The following CACNA1C variants were observed in gnomAD, a reference collection of about 807,000 sequenced individuals.
CACNA1C encodes calcium voltage-gated channel subunit alpha1 C.
Under a neutral mutation model 229.0 loss-of-function variants are expected in CACNA1C, and 30 were observed. That is an observed-to-expected ratio of 0.13 (90% CI 0.10 to 0.18). The LOEUF (loss-of-function observed/expected upper bound fraction) is 0.18, where lower values mean the gene tolerates loss of function less well. Among genes scored for constraint, CACNA1C ranks in the 10% least tolerant of loss-of-function variants. The pLI is 1.00. For missense variants in CACNA1C, 1,658 were observed against 2,845.0 expected (o/e 0.58, Z 9.49); for synonymous variants, 1,114 against 1,132.5 (o/e 0.98, Z 0.33).
chr12:2,320,427 C>A (rs1469888675), intron 3 of CACNA1C, among the ~76,000 whole-genome samples: 1 of 152,228 alleles, frequency 6.6e-6, no homozygotes, highest in Non-Finnish European at 1.5e-5. Context: ...CATCAGGTGG[C>A]AGTGTATGTG....
chr12:2,405,931 T>G (rs1329402056), intron 3 of CACNA1C, among the ~76,000 whole-genome samples: 1 of 152,248 alleles, frequency 6.6e-6, no homozygotes, highest in Non-Finnish European at 1.5e-5. Context: ...TTTGCCATTC[T>G]TTTAGTGTAG....
Position 2,209,835 on chromosome 12 carries a change from C to CA in CACNA1C, c.477+89408dup, listed in dbSNP as rs1303691679. Among the ~76,000 whole-genome samples, 11 of 152,178 alleles carry CA rather than the reference C, an allele frequency of 7.2e-5. No individual in the cohort carries two copies. In the East Asian group the frequency reaches 2.1e-3, roughly 29 times the overall value. The stretch of plus-strand genomic sequence containing the variant: ...GCCAAGATCCATCCAGTCCCTAAAT[C>CA]AAATTCTCAACTAAAATCAGAAGGT... On this transcript the variant is annotated intron_variant, in intron 3 of 46. Transcript: ENST00000399655.
At chr12:2,100,194 C>T (rs2075763671) in intron 1 of CACNA1C, among the ~76,000 whole-genome samples, 1 of 152,014 alleles carries the variant, frequency 6.6e-6, no homozygotes, top group African/African-American at 2.4e-5. Flanking sequence ...ACCTGTAATC[C>T]TAGCACTTTT....
intron 1 of CACNA1C, among the ~76,000 whole-genome samples, chr12:2,102,041 C>T (rs1377347476): frequency 6.6e-6 from 1 of 152,176 alleles, no homozygotes; most frequent in East Asian, 1.9e-4. Context: ...TCCAGGCTGC[C>T]CTGGGCTCTG....
rs186216921 is a variant in CACNA1C at position 2,415,697 on chromosome 12, G to A, written c.478-33279G>A. On this transcript the variant is annotated intron_variant, in intron 3 of 46. Coordinates refer to ENST00000399655, the MANE Select transcript of CACNA1C (RefSeq NM_000719.7). ...GGCAGTTACAGCCCTGTGTGTTCGG[G>A]GCCTTCCTGCTTGATGTGACCAGAG... 1.1e-4 allele frequency among the ~76,000 whole-genome samples: 16 copies of A among 152,216 alleles called. No homozygotes were observed. In the East Asian group the frequency reaches 2.3e-3, roughly 22 times the overall value.
intron 3 of CACNA1C, among the ~76,000 whole-genome samples, chr12:2,339,161 A>G (rs1473198198): frequency 6.6e-6 from 1 of 152,256 alleles, no homozygotes; most frequent in African/African-American, 2.4e-5. Flanking sequence ...CCTAGGCTAT[A>G]TGGCGTAGCC....
chr12:2,360,503 T>G (rs2097532204), intron 3 of CACNA1C, among the ~76,000 whole-genome samples: 1 of 152,206 alleles, frequency 6.6e-6, no homozygotes, highest in Non-Finnish European at 1.5e-5. Context: ...CATGTTTTTA[T>G]CTGGACTTCA....
At chr12:2,477,065 T>C (rs2099633594) in intron 5 of CACNA1C, among the ~76,000 whole-genome samples, 1 of 152,232 alleles carries the variant, frequency 6.6e-6, no homozygotes. Context: ...TTGAAAGCCA[T>C]TAAGCCTGTG....
intron 3 of CACNA1C, among the ~76,000 whole-genome samples, chr12:2,202,799 G>A (rs77820675): frequency 0.079 from 12,052 of 152,160 alleles, 1,558 homozygotes; most frequent in African/African-American, 0.27. Flanking sequence ...CCCCATGAGC[G>A]GAGGGTGGAA....
intron 1 of CACNA1C, among the ~76,000 whole-genome samples, chr12:1,998,221 A>G (rs2041393603): frequency 6.6e-6 from 1 of 152,196 alleles, no homozygotes; most frequent in Admixed American, 6.5e-5. Context: ...ATCTCTCTTT[A>G]CCAAATACAG....
At position 2,666,336 on chromosome 12, in the gene CACNA1C, A is replaced by G. The variant is rs1484666810; in HGVS notation, c.4527-350A>G. On this transcript the variant is annotated intron_variant, in intron 36 of 46. Transcript: ENST00000399655. The surrounding 1 kb of genome is among the most constrained non-coding windows in gnomAD (Gnocchi z 5.3). Reference sequence around the variant, plus strand: ...TTCCATTCCCGCTTCTGGTCTAAAGATCAATCACATTCGGCTGACCCTCAG... The same window carrying G: ...TTCCATTCCCGCTTCTGGTCTAAAGGTCAATCACATTCGGCTGACCCTCAG... Among the ~76,000 whole-genome samples the G allele has an allele frequency of 1.3e-5, 2 of 152,216 alleles. No homozygotes were observed. The highest frequency in any genetic ancestry group is 2.9e-5 in the Non-Finnish European group (2 of 68,042).
intron 25 of CACNA1C, 113 bp from the exon 26 acceptor site, chr12:2,606,871 G>A (rs1194861284): frequency 9.6e-6 from 12 of 1,255,166 alleles, no homozygotes; most frequent in Admixed American, 3.9e-5. Context: ...TGGCTAGAAC[G>A]GTGAAGTTCA....
At chr12:2,338,383 G>A (rs2096763724) in intron 3 of CACNA1C, among the ~76,000 whole-genome samples, 2 of 152,180 alleles carry the variant, frequency 1.3e-5, no homozygotes, top group African/African-American at 4.8e-5. Flanking sequence ...GTCTGTCTGA[G>A]ATAGATGCCA....
Position 2,021,999 on chromosome 12 carries a change from C to G in CACNA1C, c.139+50798C>G, listed in dbSNP as rs114000437. ...ACATTTATTGTGTTCAACACCTTTTCATTATGACATTGATGGGAAGAAAAA... is the reference window on the plus strand; with the variant it reads ...ACATTTATTGTGTTCAACACCTTTTGATTATGACATTGATGGGAAGAAAAA... On this transcript the variant is annotated intron_variant, in intron 1 of 46. Coordinates refer to the CACNA1C transcript ENST00000682462. Among the ~76,000 whole-genome samples the G allele has an allele frequency of 4.3e-3, 657 of 152,286 alleles. 3 individuals carry two copies. Among genetic ancestry groups the G allele is most frequent in the African/African-American group, 0.015 (624 of 41,548 alleles).
At chr12:2,624,464 C>T (rs1347953447) in intron 29 of CACNA1C, among the ~76,000 whole-genome samples, 1 of 152,224 alleles carries the variant, frequency 6.6e-6, no homozygotes, top group Non-Finnish European at 1.5e-5. Context: ...GATAACACTG[C>T]CACTAGAAAT....
At chr12:2,667,543 C>T (rs754765509) in intron 37 of CACNA1C, among the ~76,000 whole-genome samples, 4 of 152,138 alleles carry the variant, frequency 2.6e-5, no homozygotes, top group Non-Finnish European at 5.9e-5. Context: ...AAACAAACAA[C>T]AACAACAACA....
intron 3 of CACNA1C, among the ~76,000 whole-genome samples, chr12:2,263,890 A>G (rs1249171043): frequency 6.6e-6 from 1 of 152,130 alleles, no homozygotes; most frequent in Admixed American, 6.5e-5. Context: ...AGGCTGGAGC[A>G]GGCAGAAAGA....
chr12:2,139,579 G>C (rs1033896539), intron 3 of CACNA1C, among the ~76,000 whole-genome samples: 2 of 151,042 alleles, frequency 1.3e-5, no homozygotes, highest in African/African-American at 4.8e-5. Context: ...TGTGGATGCT[G>C]GTCCTGACTG....
Position 2,666,726 on chromosome 12 carries a change from C to A in CACNA1C, c.4567C>A (p.Arg1523=). 6.2e-7 allele frequency: 1 copy of A among 1,603,158 alleles called. No individual in the cohort carries two copies. Among genetic ancestry groups the A allele is most frequent in the Non-Finnish European group, 8.5e-7 (1 of 1,174,792 alleles). ...CCTGGATGTGGTGACCCTCCTCCGG[C>A]GGATTCAGCCGCCACTAGGTTTTGG... The part of the protein sequence containing the change: ...KHLDVVTLLR[R]IQPPLGFGKL... Residue 1523 remains arginine, a synonymous_variant, in exon 37 of 47, where the codon CGG becomes AGG. Coordinates refer to ENST00000399655, the MANE Select transcript of CACNA1C (RefSeq NM_000719.7). The surrounding 1 kb of genome is among the most constrained non-coding windows in gnomAD (Gnocchi z 5.3).
Sources: allele counts gnomAD v4.1 joint callset (sites outside exome capture counted in the v4.1 genomes callset), GRCh38; gene constraint gnomAD v4.1.1; non-coding constraint Gnocchi (gnomAD v3.1); transcripts MANE v1.5; gene names NCBI Gene and HGNC (gene_info 2026-07-23, HGNC 2026-07-21).